The following NFIB variants were observed in gnomAD, a reference collection of about 807,000 sequenced individuals.
The protein encoded by NFIB is nuclear factor I B, also known as nuclear factor 1 B-type.
NFIB carries 11 observed loss-of-function variants against 61.5 expected under a neutral mutation model. That is an observed-to-expected ratio of 0.18 (90% confidence interval 0.11 to 0.30). The LOEUF (loss-of-function observed/expected upper bound fraction) is 0.30, where lower values mean the gene tolerates loss of function less well. Among genes scored for constraint, NFIB ranks in the 10% least tolerant of loss-of-function variants. The pLI, the probability that NFIB is intolerant of heterozygous loss-of-function variation, is 1.00. For missense variants in NFIB, 471 were observed against 608.9 expected, an observed-to-expected ratio of 0.77 and a Z score of 2.38; for synonymous variants, 260 against 216.5, an observed-to-expected ratio of 1.20 and a Z score of -1.76.
At chr9:14,513,511 C>G in the NFIB span, among the ~76,000 whole-genome samples, 2 of 151,770 alleles carry the variant, frequency 1.3e-5, no homozygotes, top group African/African-American at 2.4e-5. Flanking sequence ...GCCTGTAATC[C>G]TAGCTACTCA....
chr9:14,299,797 T>A (rs2059651218), intron 2 of NFIB, among the ~76,000 whole-genome samples: 1 of 152,250 alleles, frequency 6.6e-6, no homozygotes, highest in Non-Finnish European at 1.5e-5. Context: ...TGTTTTACTA[T>A]AAACAATATA....
chr9:14,109,979 G>A (rs976745006), intron 10 of NFIB, among the ~76,000 whole-genome samples: 1 of 152,008 alleles, frequency 6.6e-6, no homozygotes, highest in African/African-American at 2.4e-5. Context: ...AATAACAATT[G>A]TCTGTGTACC....
At chr9:14,484,081 T>A in the NFIB span, among the ~76,000 whole-genome samples, 1 of 152,346 alleles carries the variant, frequency 6.6e-6, no homozygotes, top group Non-Finnish European at 1.5e-5. Flanking sequence ...GGATGTTACC[T>A]ACTTTATTAC....
intron 10 of NFIB, chr9:14,102,472 C>G: frequency 6.5e-7 from 1 of 1,550,254 alleles, no homozygotes; most frequent in Non-Finnish European, 8.7e-7. Context: ...GGTATAAATG[C>G]CTGCCGTTTT....
At chr9:14,128,082 G>T (rs10961384) in intron 6 of NFIB, among the ~76,000 whole-genome samples, 45,900 of 151,920 alleles carry the variant, frequency 0.3, 8,789 homozygotes, top group African/African-American at 0.54. Context: ...AATACTTAAT[G>T]TCGCATAAGA....
At chr9:14,353,338 C>T (rs1364730183) in intron 1 of NFIB, among the ~76,000 whole-genome samples, 1 of 152,098 alleles carries the variant, frequency 6.6e-6, no homozygotes. Flanking sequence ...CTATAGGGTT[C>T]TTCATTCAGG....
the NFIB span, among the ~76,000 whole-genome samples, chr9:14,510,361 C>T: frequency 2.0e-5 from 3 of 152,098 alleles, no homozygotes; most frequent in African/African-American, 7.2e-5. Context: ...AGAAGGTACC[C>T]AATGAGAGAC....
intron 6 of NFIB, among the ~76,000 whole-genome samples, chr9:14,133,345 C>G (rs2040626404): frequency 6.6e-6 from 1 of 152,104 alleles, no homozygotes; most frequent in Non-Finnish European, 1.5e-5. Context: ...TGAGCTTTAG[C>G]TTAACTGGGA....
chr9:14,326,067 T>C (rs1028558333), intron 1 of NFIB, among the ~76,000 whole-genome samples: 1 of 152,234 alleles, frequency 6.6e-6, no homozygotes, highest in Non-Finnish European at 1.5e-5. Flanking sequence ...TGTTGGCATT[T>C]TGTCAGATTT....
the NFIB span, among the ~76,000 whole-genome samples, chr9:14,463,085 C>T: frequency 2.0e-5 from 3 of 151,784 alleles, no homozygotes; most frequent in Admixed American, 6.6e-5. Context: ...ACAACTATAA[C>T]ATTTAATAAA....
the NFIB span, among the ~76,000 whole-genome samples, chr9:14,409,137 T>C: frequency 6.6e-6 from 1 of 152,200 alleles, no homozygotes; most frequent in African/African-American, 2.4e-5. Flanking sequence ...ATTTCCATCA[T>C]GGATAAATAA....
At chr9:14,433,270 A>G in the NFIB span, among the ~76,000 whole-genome samples, 3 of 152,186 alleles carry the variant, frequency 2.0e-5, no homozygotes, top group Non-Finnish European at 2.9e-5. Flanking sequence ...AAATGTCATT[A>G]AAAATTTTTT....
chr9:14,116,607 A>G (rs916819915), intron 8 of NFIB, among the ~76,000 whole-genome samples: 2 of 152,270 alleles, frequency 1.3e-5, no homozygotes, highest in Admixed American at 1.3e-4. Context: ...AGAGCCAGGT[A>G]GACTTGATCC....
At chr9:14,503,434 C>T in the NFIB span, among the ~76,000 whole-genome samples, 3 of 152,046 alleles carry the variant, frequency 2.0e-5, no homozygotes, top group Admixed American at 2.0e-4. Context: ...CCCTTTTCAC[C>T]ACATCCACCA....
At chr9:14,344,621 T>C (rs1017898605) in intron 1 of NFIB, among the ~76,000 whole-genome samples, 12 of 152,170 alleles carry the variant, frequency 7.9e-5, no homozygotes, top group African/African-American at 2.9e-4. Flanking sequence ...GTTTTTTTAA[T>C]AGAAGGATCC....
chr9:14,471,654 A>G, the NFIB span, among the ~76,000 whole-genome samples: 2 of 152,202 alleles, frequency 1.3e-5, no homozygotes, highest in East Asian at 3.8e-4. Flanking sequence ...GTAGAATTTA[A>G]GGTTTTTCTG....
chr9:14,152,845 G>A lies in NFIB; in HGVS notation c.686-2580C>T, dbSNP rs547777275. ...GGGAGCTTAAAAAGTTGATCTCATC[G>A]AAGGGGTTGTCAGAGGTGGGGGAGG... On this transcript the variant is annotated intron_variant, in intron 4 of 10. Coordinates refer to ENST00000380953, the MANE Select transcript of NFIB (RefSeq NM_001190737.2). Among the ~76,000 whole-genome samples, 481 of 151,692 alleles carry A rather than the reference G, an allele frequency of 3.2e-3. 2 individuals are homozygous for A. The highest frequency in any genetic ancestry group is 0.011 in the African/African-American group (450 of 41,368).
At chr9:14,344,708 C>A (rs982585079) in intron 1 of NFIB, among the ~76,000 whole-genome samples, 1 of 151,892 alleles carries the variant, frequency 6.6e-6, no homozygotes, top group Non-Finnish European at 1.5e-5. Context: ...TTCATCCTCC[C>A]CACTGAACCT....
At chr9:14,428,591 T>C in the NFIB span, among the ~76,000 whole-genome samples, 1 of 152,232 alleles carries the variant, frequency 6.6e-6, no homozygotes, top group Non-Finnish European at 1.5e-5. Context: ...TTGATTTGCA[T>C]GGTGTGATTT....
Sources: allele counts gnomAD v4.1 joint callset (sites outside exome capture counted in the v4.1 genomes callset), GRCh38; gene constraint gnomAD v4.1.1; transcripts MANE v1.5; gene names NCBI Gene and HGNC (gene_info 2026-07-23, HGNC 2026-07-21).